Variants in TSHZ2 observed in about 807,000 individuals in gnomAD.
The protein encoded by TSHZ2 is teashirt zinc finger homeobox 2.
In TSHZ2, 21 loss-of-function variants were observed where a neutral mutation model predicts 74.4. The observed-to-expected ratio is 0.28, with a 90% confidence interval of 0.20 to 0.41. The LOEUF (loss-of-function observed/expected upper bound fraction) is 0.41. TSHZ2 is among the 10% of genes least tolerant of loss of function. TSHZ2 has a pLI of 1.00. For synonymous variants in TSHZ2, 540 were observed against 515.3 expected (o/e 1.05, Z -0.65); for missense variants, 1,244 against 1,293.5 (o/e 0.96, Z 0.59).
chr20:53,307,473 C>T (rs79018176), intron 2 of TSHZ2, among the ~76,000 whole-genome samples: 431 of 152,266 alleles, frequency 2.8e-3, no homozygotes, highest in African/African-American at 1.0e-2. Flanking sequence ...CCTCCAGCCC[C>T]TTCTCCAGGC....
chr20:53,106,907 G>A (rs981111854), intron 1 of TSHZ2, among the ~76,000 whole-genome samples: 2 of 150,026 alleles, frequency 1.3e-5, no homozygotes, highest in African/African-American at 4.9e-5. Flanking sequence ...CTTATTGGCC[G>A]GGGTGATCTT....
intron 1 of TSHZ2, among the ~76,000 whole-genome samples, chr20:53,218,690 GGTC>G (rs1989489769): frequency 1.3e-5 from 2 of 152,152 alleles, no homozygotes; most frequent in South Asian, 4.1e-4. Context: ...ATTGTGTTTG[GGTC>G]TTTCTTTTCA....
At chr20:53,427,856 G>C (rs1333346143) in intron 2 of TSHZ2, among the ~76,000 whole-genome samples, 1 of 152,100 alleles carries the variant, frequency 6.6e-6, no homozygotes, top group Non-Finnish European at 1.5e-5. Flanking sequence ...GGAAGGCCTA[G>C]AGCCCTCACC....
At chr20:53,325,366 T>C (rs1438911394) in intron 2 of TSHZ2, among the ~76,000 whole-genome samples, 1 of 152,124 alleles carries the variant, frequency 6.6e-6, no homozygotes, top group Non-Finnish European at 1.5e-5. Context: ...TAATCATTAG[T>C]AAAGAGGAAG....
intron 1 of TSHZ2, among the ~76,000 whole-genome samples, chr20:53,032,247 A>C (rs6097199): frequency 0.065 from 9,943 of 152,258 alleles, 772 homozygotes; most frequent in African/African-American, 0.18. Context: ...TGACTTTTTG[A>C]CACGTTTATA....
intron 1 of TSHZ2, among the ~76,000 whole-genome samples, chr20:53,085,320 G>A (rs1462977046): frequency 6.6e-6 from 1 of 152,006 alleles, no homozygotes; most frequent in African/African-American, 2.4e-5. Flanking sequence ...AGCCAAGATC[G>A]CGCCACTGAA....
chr20:52,979,103 C>T (rs1981464895), intron 1 of TSHZ2, among the ~76,000 whole-genome samples: 1 of 151,984 alleles, frequency 6.6e-6, no homozygotes, highest in South Asian at 2.1e-4. Context: ...GCTTGCTTAC[C>T]TGAATATTAC....
intron 1 of TSHZ2, among the ~76,000 whole-genome samples, chr20:53,038,892 G>GTTGTTTT (rs1983929830): frequency 7.7e-6 from 1 of 130,452 alleles, no homozygotes; most frequent in African/African-American, 3.8e-5. Flanking sequence ...TGTTTTGTTT[G>GTTGTTTT]TTTGTTTGTT....
chr20:53,043,549 A>G (rs1336995087), intron 1 of TSHZ2, among the ~76,000 whole-genome samples: 2 of 152,118 alleles, frequency 1.3e-5, no homozygotes, highest in African/African-American at 4.8e-5. Flanking sequence ...TTGCACTTAA[A>G]AAAAAAATCT....
rs150885398 is a variant in TSHZ2, at chr20:53,356,556, G to A, written c.*8+99985G>A. ...ACAAATTATGCAGCTAGTACTGCTT[G>A]AACAGTCTTTTAGACATTTTACTAC... On this transcript the variant is annotated intron_variant, in intron 2 of 2. Transcript: ENST00000371497. Among the ~76,000 whole-genome samples, 64 of 152,268 alleles carry A rather than the reference G, an allele frequency of 4.2e-4. No homozygotes were observed. In the East Asian group the frequency reaches 0.012, roughly 29 times the overall value.
chr20:53,085,160 C>T (rs546568185), intron 1 of TSHZ2, among the ~76,000 whole-genome samples: 27 of 152,052 alleles, frequency 1.8e-4, no homozygotes, highest in African/African-American at 5.5e-4. Flanking sequence ...CTCCTGACTT[C>T]GAGACCAGCC....
intron 1 of TSHZ2, among the ~76,000 whole-genome samples, chr20:53,005,582 T>C (rs959583513): frequency 9.9e-5 from 15 of 152,164 alleles, no homozygotes; most frequent in African/African-American, 3.6e-4. Flanking sequence ...TCCTGTGTCA[T>C]GTGGTGATGA....
chr20:53,408,962 T>C (rs535106958), intron 2 of TSHZ2, among the ~76,000 whole-genome samples: 1 of 152,350 alleles, frequency 6.6e-6, no homozygotes, highest in Non-Finnish European at 1.5e-5. Context: ...ATTCTTCTCG[T>C]AGAGACGGTC....
At position 53,344,623 on chromosome 20, in the gene TSHZ2, G is replaced by T. The variant is rs548559925; in HGVS notation, c.*8+88052G>T. ...GAATTCACAAAATAGTGCCCTAGTG[G>T]TTTATAAATGAGGGGAAAAATGGCA... On this transcript the variant is annotated intron_variant, in intron 2 of 2. Transcript: ENST00000371497. Among the ~76,000 whole-genome samples the T allele has an allele frequency of 3.9e-5, 6 of 152,248 alleles. No homozygotes were observed. In the East Asian group the frequency reaches 1.2e-3, roughly 29 times the overall value.
Position 53,490,594 on chromosome 20 carries a change from C to T in TSHZ2, c.*3459C>T, listed in dbSNP as rs1986420142. ...GAATAAACTGGATAACCCAGACAGTCCCCACAGAATTTCTTTCAGGTCACA... is the reference window on the plus strand; with the variant it reads ...GAATAAACTGGATAACCCAGACAGTTCCCACAGAATTTCTTTCAGGTCACA... On this transcript the variant is annotated 3_prime_UTR_variant, in exon 3 of 3. Coordinates refer to ENST00000371497, the MANE Select transcript of TSHZ2 (RefSeq NM_173485.6). 6.6e-6 allele frequency: 1 copy of T among 152,190 alleles called. No homozygotes were observed. 9.4% of individuals were successfully genotyped at this position (152,190 alleles called of 1,614,324 possible). A position where few individuals can be genotyped will look rare whatever the true frequency, so the allele number is the denominator to read the frequency against.
chr20:53,243,822 C>CTTGCT (rs1555840067), intron 1 of TSHZ2, among the ~76,000 whole-genome samples: 64 of 145,698 alleles, frequency 4.4e-4, no homozygotes, highest in African/African-American at 1.6e-3. Flanking sequence ...TGCTTGCTTG[C>CTTGCT]TTTTTTTTTT....
chr20:53,045,973 G>A (rs945335428), intron 1 of TSHZ2, among the ~76,000 whole-genome samples: 4 of 152,268 alleles, frequency 2.6e-5, no homozygotes, highest in Non-Finnish European at 5.9e-5. Context: ...TCTGTTTCCT[G>A]TCTTATAAAT....
chr20:53,090,395 C>T (rs780277476), intron 1 of TSHZ2, among the ~76,000 whole-genome samples: 4 of 152,164 alleles, frequency 2.6e-5, no homozygotes, highest in Admixed American at 6.5e-5. Context: ...GTCACAAATA[C>T]GAAGGAGACC....
chr20:52,976,123 G>T (rs1981328295), intron 1 of TSHZ2, among the ~76,000 whole-genome samples: 1 of 152,180 alleles, frequency 6.6e-6, no homozygotes, highest in Non-Finnish European at 1.5e-5. Flanking sequence ...CATGTTTCAA[G>T]GAATCAATTA....
Sources: allele counts gnomAD v4.1 joint callset (sites outside exome capture counted in the v4.1 genomes callset), GRCh38; gene constraint gnomAD v4.1.1; transcripts MANE v1.5; gene names NCBI Gene and HGNC (gene_info 2026-07-23, HGNC 2026-07-21).